Variants in MCPH1 observed in about 807,000 individuals in gnomAD.
MCPH1 encodes microcephalin 1, also known as microcephalin.
Under a neutral mutation model 84.5 loss-of-function variants are expected in MCPH1, and 104 were observed. The observed-to-expected ratio is 1.23, with a 90% CI of 1.05 to 1.45. The LOEUF (loss-of-function observed/expected upper bound fraction) is 1.45, where lower values mean the gene tolerates loss of function less well. Ranked by LOEUF, MCPH1 falls within the 40% of genes most tolerant of loss-of-function variation. The probability of loss-of-function intolerance (pLI) is 0.00; values close to 1 mark genes in which losing one functional copy is unlikely to be tolerated. For synonymous variants in MCPH1, 514 were observed against 366.8 expected (o/e 1.40, Z -4.58); for missense variants, 1,498 against 1,005.7 (o/e 1.49, Z -6.62).
intron 12 of MCPH1, chr8:6,562,532 T>TA (rs1435706974): frequency 8.1e-6 from 7 of 866,138 alleles, no homozygotes; most frequent in Non-Finnish European, 1.1e-5. Context: ...TCTCCAGCTC[T>TA]AATCCTCTTC....
intron 12 of MCPH1, chr8:6,503,318 G>A (rs922302896): frequency 5.0e-6 from 8 of 1,589,426 alleles, no homozygotes; most frequent in Admixed American, 1.7e-5. Context: ...CTCCCACCAC[G>A]AAGACAGCAA....
Position 6,499,857 on chromosome 8 carries a change from A to G in MCPH1, c.2142A>G (p.Leu714=), listed in dbSNP as rs751953379. Residue 714 remains leucine, a synonymous_variant, in exon 12 of 14, where the codon CTA becomes CTG. Coordinates refer to ENST00000344683, the MANE Select transcript of MCPH1 (RefSeq NM_024596.5). ...GCWVLSYDWV[L]WSLELGHWIS... ...GCTTGTTGTGTCACTTGCAGGTGCTATGGTCTTTAGAATTGGGTCACTGGA... is the reference window on the plus strand; with the variant it reads ...GCTTGTTGTGTCACTTGCAGGTGCTGTGGTCTTTAGAATTGGGTCACTGGA... 16 of 1,612,936 alleles carry G rather than the reference A, an allele frequency of 9.9e-6. No individual in the cohort carries two copies. The highest frequency in any genetic ancestry group is 4.4e-5 in the South Asian group (4 of 91,036).
At chr8:6,421,072 G>A (rs1239558413) in intron 3 of MCPH1, among the ~76,000 whole-genome samples, 1 of 152,180 alleles carries the variant, frequency 6.6e-6, no homozygotes, top group African/African-American at 2.4e-5. Flanking sequence ...TGGGCTGCCC[G>A]CATGCACAGT....
chr8:6,614,772 A>G (rs965961541), intron 12 of MCPH1, among the ~76,000 whole-genome samples: 1 of 152,122 alleles, frequency 6.6e-6, no homozygotes, highest in Non-Finnish European at 1.5e-5. Flanking sequence ...CCCCCGTGGT[A>G]TCTTAGTGTT....
At chr8:6,408,737 A>AT (rs956283968) in intron 1 of MCPH1, among the ~76,000 whole-genome samples, 4 of 149,380 alleles carry the variant, frequency 2.7e-5, no homozygotes, top group Admixed American at 1.3e-4. Flanking sequence ...TAAAAACAAA[A>AT]TTTTTTTTAG....
At chr8:6,573,126 C>T (rs1324329365) in intron 12 of MCPH1, among the ~76,000 whole-genome samples, 1 of 152,092 alleles carries the variant, frequency 6.6e-6, no homozygotes, top group Non-Finnish European at 1.5e-5. Flanking sequence ...GTCGGAGATG[C>T]GGTCTGGAAC....
chr8:6,437,819 G>GT (rs1270159306), intron 5 of MCPH1, among the ~76,000 whole-genome samples: 2 of 152,066 alleles, frequency 1.3e-5, no homozygotes, highest in African/African-American at 4.8e-5. Flanking sequence ...GACTTCTTCT[G>GT]TTTTCTCCTT....
At chr8:6,579,991 C>A (rs1336757242) in intron 12 of MCPH1, among the ~76,000 whole-genome samples, 1 of 152,212 alleles carries the variant, frequency 6.6e-6, no homozygotes, top group Admixed American at 6.5e-5. Flanking sequence ...GTGGCTGCCC[C>A]ATCCCTGGCC....
At chr8:6,478,734 T>A (rs749882779) in intron 10 of MCPH1, among the ~76,000 whole-genome samples, 1 of 152,176 alleles carries the variant, frequency 6.6e-6, no homozygotes, top group Non-Finnish European at 1.5e-5. Flanking sequence ...TACTTTTTGT[T>A]TTTGTTTTTG....
In MCPH1 at chr8:6,419,695, T is replaced by C. The variant is rs1313066872; in HGVS notation, c.233+4812T>C. ...ACCCGGCATTAAAGAATTTTTTTTA[T>C]AGAGATGGGATCTTACTATGTAGGC... is the stretch of plus-strand genomic sequence containing the variant. On this transcript the variant is annotated intron_variant, in intron 3 of 13. Transcript: ENST00000344683. 4.6e-5 allele frequency among the ~76,000 whole-genome samples: 7 copies of C among 152,036 alleles called. No homozygotes were observed. The East Asian group carries it at 5.8e-4, about 13-fold the overall frequency.
At chr8:6,461,068 T>C (rs990742172) in intron 9 of MCPH1, among the ~76,000 whole-genome samples, 3 of 152,150 alleles carry the variant, frequency 2.0e-5, no homozygotes, top group South Asian at 2.1e-4. Flanking sequence ...GAAATGATTT[T>C]TGAGATGAAC....
intron 12 of MCPH1, among the ~76,000 whole-genome samples, chr8:6,577,754 C>T (rs1416437471): frequency 3.9e-5 from 6 of 152,186 alleles, no homozygotes; most frequent in South Asian, 2.1e-4. Flanking sequence ...TGTGAGACAC[C>T]GTGCTACTTG....
intron 9 of MCPH1, among the ~76,000 whole-genome samples, chr8:6,467,913 G>A (rs991856327): frequency 2.6e-5 from 4 of 152,150 alleles, no homozygotes; most frequent in Admixed American, 2.6e-4. Flanking sequence ...AGTAATTCTT[G>A]TGGAGTTGGA....
At chr8:6,412,322 T>G (rs1798653464) in intron 2 of MCPH1, among the ~76,000 whole-genome samples, 1 of 152,178 alleles carries the variant, frequency 6.6e-6, no homozygotes, top group South Asian at 2.1e-4. Context: ...GTTAGACAAG[T>G]GAGTTGACAA....
chr8:6,607,630 G>T (rs994664185), intron 12 of MCPH1, among the ~76,000 whole-genome samples: 7 of 152,164 alleles, frequency 4.6e-5, no homozygotes, highest in African/African-American at 1.4e-4. Context: ...GAACCAGTGG[G>T]AGATAATCGA....
intron 11 of MCPH1, among the ~76,000 whole-genome samples, chr8:6,492,943 T>A (rs2922809): frequency 0.083 from 12,544 of 152,014 alleles, 852 homozygotes; most frequent in East Asian, 0.22. Flanking sequence ...TATGGCAGAG[T>A]CAAGTGCTTT....
At position 6,642,400 on chromosome 8, in the gene MCPH1, G is replaced by A. The variant is rs143421746; in HGVS notation, c.2453-594G>A. Among the ~76,000 whole-genome samples, 642 of 152,230 alleles carry A rather than the reference G, an allele frequency of 4.2e-3. 7 individuals are homozygous for A. The highest frequency in any genetic ancestry group is 0.015 in the African/African-American group (607 of 41,536). On this transcript the variant is annotated intron_variant, in intron 13 of 13. Transcript: ENST00000344683. ...CACCTGCAGCGCTATCCTGGGCCAG[G>A]CGCAACTTGTGATTTTCATAAAATA...
chr8:6,532,518 T>A (rs1289236490), intron 12 of MCPH1: 2 of 1,537,630 alleles, frequency 1.3e-6, no homozygotes, highest in Middle Eastern at 1.7e-4. Context: ...AAGGCAGTCA[T>A]TAGTCAAATG....
At chr8:6,586,224 G>A (rs1223144314) in intron 12 of MCPH1, among the ~76,000 whole-genome samples, 2 of 152,066 alleles carry the variant, frequency 1.3e-5, no homozygotes, top group Non-Finnish European at 2.9e-5. Flanking sequence ...GCCTCCCGGA[G>A]TCCTGGGATT....
Sources: allele counts gnomAD v4.1 joint callset (sites outside exome capture counted in the v4.1 genomes callset), GRCh38; gene constraint gnomAD v4.1.1; transcripts MANE v1.5; gene names NCBI Gene and HGNC (gene_info 2026-07-23, HGNC 2026-07-21).